The following RBMS1 variants were observed in gnomAD, a reference collection of about 807,000 sequenced individuals.
The protein encoded by RBMS1 is RNA binding motif single stranded interacting protein 1.
RBMS1 carries 17 observed loss-of-function variants against 62.3 expected under a neutral mutation model. The observed-to-expected ratio is 0.27, with a 90% CI of 0.19 to 0.41. The LOEUF is 0.41. Among genes scored for constraint, RBMS1 ranks in the 10% least tolerant of loss-of-function variants. RBMS1 has a pLI of 1.00. For synonymous variants in RBMS1, 172 were observed against 170.0 expected (o/e 1.01, Z -0.09); for missense variants, 334 against 504.5 (o/e 0.66, Z 3.24).
At chr2:160,357,057 A>G (rs187874150) in intron 2 of RBMS1, among the ~76,000 whole-genome samples, 49 of 152,266 alleles carry the variant, frequency 3.2e-4, no homozygotes, top group African/African-American at 1.1e-3. Context: ...ACAACTGCCA[A>G]ATAAAGATTT....
At chr2:160,319,607 T>G (rs1690439701) in intron 2 of RBMS1, among the ~76,000 whole-genome samples, 1 of 152,254 alleles carries the variant, frequency 6.6e-6, no homozygotes, top group Admixed American at 6.5e-5. Context: ...TCATTTACAG[T>G]CTACTTTCCT....
intron 1 of RBMS1, among the ~76,000 whole-genome samples, chr2:160,433,817 T>G (rs187148848): frequency 9.8e-5 from 15 of 152,354 alleles, no homozygotes; most frequent in Non-Finnish European, 1.5e-5. Flanking sequence ...AATTCCCAAG[T>G]ATATTTTAAT....
At chr2:160,410,649 T>C (rs1204785758) in intron 1 of RBMS1, among the ~76,000 whole-genome samples, 1 of 152,230 alleles carries the variant, frequency 6.6e-6, no homozygotes, top group Non-Finnish European at 1.5e-5. Context: ...TTGAAACAAA[T>C]ATGTTCTAAC....
At chr2:160,401,316 T>C (rs6733147) in intron 1 of RBMS1, among the ~76,000 whole-genome samples, 150,447 of 152,324 alleles carry the variant, frequency 0.99, 74,329 homozygotes, top group East Asian at 1. Flanking sequence ...TACTGTTCTG[T>C]GTAACACCAA....
At chr2:160,370,573 G>A (rs909896601) in intron 1 of RBMS1, among the ~76,000 whole-genome samples, 2 of 152,186 alleles carry the variant, frequency 1.3e-5, no homozygotes, top group South Asian at 2.1e-4. Flanking sequence ...TTAGGAAACC[G>A]AGTCTCAAAA....
chr2:160,436,201 G>A (rs983098998), intron 1 of RBMS1, among the ~76,000 whole-genome samples: 1 of 152,192 alleles, frequency 6.6e-6, no homozygotes, highest in Non-Finnish European at 1.5e-5. Context: ...GGCTGGCATG[G>A]TGAGTGGCTT....
chr2:160,383,605 ATATC>A (rs1387965362), intron 1 of RBMS1, among the ~76,000 whole-genome samples: 6 of 152,310 alleles, frequency 3.9e-5, no homozygotes, highest in African/African-American at 1.2e-4. Context: ...GGTAATTAGC[ATATC>A]TATCATCTCA....
intron 2 of RBMS1, among the ~76,000 whole-genome samples, chr2:160,345,807 T>C (rs1573902670): frequency 6.6e-6 from 1 of 152,248 alleles, no homozygotes; most frequent in South Asian, 2.1e-4. Context: ...TGATGATCAC[T>C]TCAGAAGTGG....
At chr2:160,279,334 T>C (rs1687990150) in intron 10 of RBMS1, 1 of 151,928 alleles carries the variant, frequency 6.6e-6, no homozygotes, top group African/African-American at 2.4e-5. Flanking sequence ...TAAAATCAAA[T>C]TAAATATATT....
intron 5 of RBMS1, 76 bp downstream of exon 5, chr2:160,303,254 A>C (rs1574245154): frequency 7.1e-7 from 1 of 1,416,300 alleles, no homozygotes; most frequent in East Asian, 2.4e-5. Flanking sequence ...GTCTCTTCTT[A>C]GTCATTTTTA....
chr2:160,333,844 A>G (rs527321678), intron 2 of RBMS1, among the ~76,000 whole-genome samples: 1 of 152,276 alleles, frequency 6.6e-6, no homozygotes, highest in African/African-American at 2.4e-5. Context: ...AACTCAGGAG[A>G]TAACAAACCC....
intron 1 of RBMS1, among the ~76,000 whole-genome samples, chr2:160,482,575 A>G (rs1387988437): frequency 6.6e-6 from 1 of 152,212 alleles, no homozygotes; most frequent in African/African-American, 2.4e-5. Flanking sequence ...CAACTTAACT[A>G]GATGATTTTT....
chr2:160,382,094 T>G (rs1017399469), intron 1 of RBMS1, among the ~76,000 whole-genome samples: 4 of 152,186 alleles, frequency 2.6e-5, no homozygotes, highest in Non-Finnish European at 1.5e-5. Flanking sequence ...CTAAGCTTTA[T>G]GTGTTTGGTG....
At chr2:160,455,078 G>A (rs1340622292) in intron 1 of RBMS1, among the ~76,000 whole-genome samples, 1 of 152,138 alleles carries the variant, frequency 6.6e-6, no homozygotes, top group East Asian at 1.9e-4. Context: ...TTCCTAGAAT[G>A]CCACATTATA....
chr2:160,299,160 G>A (rs1270578833), intron 6 of RBMS1, among the ~76,000 whole-genome samples: 1 of 151,720 alleles, frequency 6.6e-6, no homozygotes, highest in Non-Finnish European at 1.5e-5. Flanking sequence ...ACCAGGGAAT[G>A]TCAGATTGGA....
At chr2:160,312,379 G>GA (rs151248121) in intron 4 of RBMS1, among the ~76,000 whole-genome samples, 7 of 148,514 alleles carry the variant, frequency 4.7e-5, no homozygotes, top group Non-Finnish European at 7.5e-5. Context: ...AAGTTTTCAA[G>GA]AAAAAAAAAA....
chr2:160,336,894 C>A (rs1011192043), intron 2 of RBMS1, among the ~76,000 whole-genome samples: 2 of 152,132 alleles, frequency 1.3e-5, no homozygotes, highest in Admixed American at 1.3e-4. Flanking sequence ...TAGCTTGGCA[C>A]CATTTAAACC....
intron 5 of RBMS1, among the ~76,000 whole-genome samples, chr2:160,301,592 T>C (rs1012261854): frequency 6.6e-6 from 1 of 152,196 alleles, no homozygotes; most frequent in African/African-American, 2.4e-5. Context: ...GACAAAATGA[T>C]GCTGAGCTAT....
At chr2:160,386,334 G>C (rs189065131) in intron 1 of RBMS1, among the ~76,000 whole-genome samples, 1 of 152,200 alleles carries the variant, frequency 6.6e-6, no homozygotes, top group Non-Finnish European at 1.5e-5. Flanking sequence ...TCAAGAGTTC[G>C]AGACCAGCCT....
Sources: allele counts gnomAD v4.1 joint callset (sites outside exome capture counted in the v4.1 genomes callset), GRCh38; gene constraint gnomAD v4.1.1; transcripts MANE v1.5; gene names NCBI Gene and HGNC (gene_info 2026-07-23, HGNC 2026-07-21).